ABL2: variants seen among roughly 807,000 people sequenced by gnomAD.
ABL2 encodes the protein tyrosine-protein kinase ABL2.
A neutral mutation model predicts 107.7 loss-of-function variants in ABL2; 49 were observed. The observed-to-expected ratio is 0.45, with a 90% CI of 0.36 to 0.58. The LOEUF is 0.58. Among genes scored for constraint, ABL2 ranks in the 20% least tolerant of loss-of-function variants. The pLI is 0.00. For synonymous variants in ABL2, 549 were observed against 548.6 expected (o/e 1.00, Z -0.01); for missense variants, 1,245 against 1,457.0 (o/e 0.85, Z 2.37).
intron 1 of ABL2, among the ~76,000 whole-genome samples, chr1:179,199,557 A>G (rs1209649105): frequency 6.6e-6 from 1 of 152,194 alleles, no homozygotes; most frequent in African/African-American, 2.4e-5. Context: ...TTGAGTTATT[A>G]TATGAAAGAT....
In ABL2 at chr1:179,109,196, A is replaced by G; in HGVS notation, c.2071T>C (p.Ser691Pro). The change falls in exon 12 of 12, where the codon TCT becomes CCT. Residue 691 changes from serine to proline, a missense_variant. By Grantham distance (74) the Ser-to-Pro change is moderately conservative. Transcript: ENST00000502732. ...TCAGCATGCTGTAGAGAAGCAACAG[A>G]TGAGAAGTTACCCGTGAGTTCGTAT... ...KKYELTGNFS[S>P]VASLQHADGF... The G allele has an allele frequency of 6.2e-7, 1 of 1,614,018 alleles. No individual in the cohort carries two copies. Among genetic ancestry groups the G allele is most frequent in the Non-Finnish European group, 8.5e-7 (1 of 1,179,994 alleles).
chr1:179,229,508 T>A lies in ABL2; in HGVS notation c.-111A>T. On this transcript the variant is annotated 5_prime_UTR_variant, in exon 1 of 12. Transcript: ENST00000502732. The stretch of plus-strand genomic sequence containing the variant: ...GGTCTCTCCCTCCCAGCCCAGGCCC[T>A]GGCCCTGAGTGGCTGGGCCACCGGC... 1 of 1,198,326 alleles carries A rather than the reference T, an allele frequency of 8.3e-7. No homozygotes were observed. The highest frequency in any genetic ancestry group is 1.1e-6 in the Non-Finnish European group (1 of 921,624). 74.2% of individuals were successfully genotyped at this position (1,198,326 alleles called of 1,614,324 possible). A position where few individuals can be genotyped will look rare whatever the true frequency, so the allele number is the denominator to read the frequency against.
intron 1 of ABL2, among the ~76,000 whole-genome samples, chr1:179,163,108 T>C (rs934888518): frequency 5.9e-5 from 9 of 152,152 alleles, no homozygotes; most frequent in Admixed American, 5.9e-4. Flanking sequence ...AAAAAGGTTA[T>C]ACAAATAGCA....
chr1:179,108,074 T>A lies in ABL2; in HGVS notation c.3193A>T (p.Thr1065Ser). ...PAKMANGTAG[T>S]KVALRKTKQA... ...TTGGTTTTTCTCAGAGCCACTTTAG[T>A]ACCTGCTGTGCCATTGGCCATTTTG... The change falls in exon 12 of 12, where the codon ACT becomes TCT. Residue 1065 changes from threonine to serine, a missense_variant. Coordinates refer to ENST00000502732, the MANE Select transcript of ABL2 (RefSeq NM_007314.4). 1 of 1,614,256 alleles carries A rather than the reference T, an allele frequency of 6.2e-7. No individual in the cohort carries two copies. The highest frequency in any genetic ancestry group is 8.5e-7 in the Non-Finnish European group (1 of 1,180,054).
chr1:179,135,076 A>G (rs1474524303), intron 1 of ABL2, among the ~76,000 whole-genome samples: 4 of 152,130 alleles, frequency 2.6e-5, no homozygotes, highest in Non-Finnish European at 2.9e-5. Context: ...ATCTCGGCTC[A>G]CTACAACCTC....
intron 1 of ABL2, among the ~76,000 whole-genome samples, chr1:179,161,966 G>A (rs1432089247): frequency 6.6e-6 from 1 of 152,156 alleles, no homozygotes; most frequent in African/African-American, 2.4e-5. Context: ...CCTTCCACCA[G>A]GTGATGTCTT....
intron 9 of ABL2, 35 bp from the exon 10 acceptor site, chr1:179,112,433 T>C: frequency 1.9e-6 from 3 of 1,552,194 alleles, no homozygotes; most frequent in Non-Finnish European, 2.7e-6. Context: ...AAAAACTCCT[T>C]GCAGAAATTC....
chr1:179,111,071 C>T (rs1654023323), intron 10 of ABL2, among the ~76,000 whole-genome samples: 1 of 148,386 alleles, frequency 6.7e-6, no homozygotes, highest in Non-Finnish European at 1.5e-5. Context: ...GCAACCTCTG[C>T]CTCCGATGTT....
rs147444465 is a variant in ABL2, at chr1:179,110,819, A to G, written c.1652-364T>C. On this transcript the variant is annotated intron_variant, in intron 10 of 11. Coordinates refer to ENST00000502732, the MANE Select transcript of ABL2 (RefSeq NM_007314.4). ...TGTCTTTTGGTTCACAATGTTATGCACGTCTGATTGGCACAATGTAGGAGA... is the reference window on the plus strand; with the variant it reads ...TGTCTTTTGGTTCACAATGTTATGCGCGTCTGATTGGCACAATGTAGGAGA... 9.9e-6 allele frequency: 16 copies of G among 1,613,944 alleles called. No individual in the cohort carries two copies. In the African/African-American group the frequency reaches 1.6e-4, roughly 16 times the overall value.
At chr1:179,172,128 T>G (rs1257539041) in intron 1 of ABL2, among the ~76,000 whole-genome samples, 4 of 152,044 alleles carry the variant, frequency 2.6e-5, no homozygotes, top group Admixed American at 6.6e-5. Context: ...AAATAACAGA[T>G]TATCAGCATT....
At chr1:179,161,292 AG>A (rs1659052452) in intron 1 of ABL2, among the ~76,000 whole-genome samples, 1 of 151,430 alleles carries the variant, frequency 6.6e-6, no homozygotes, top group African/African-American at 2.4e-5. Context: ...CTCAGGTAGG[AG>A]GATCACTTGA....
In ABL2 at chr1:179,126,600, C is replaced by G. The variant is rs61821670; in HGVS notation, c.464G>C (p.Gly155Ala). 6.2e-7 allele frequency: 1 copy of G among 1,614,158 alleles called. No homozygotes were observed. The highest frequency in any genetic ancestry group is 1.7e-5 in the Admixed American group (1 of 60,010). ...WSEVRSKNGQ[G>A]WVPSNYITPV... ...GGTGATGTAGTTGCTTGGCACCCAG[C>G]CCTGCCCATTCTTAGAGCGAACTTC... Residue 155 changes from glycine (G) to alanine (A), a missense_variant, in exon 4 of 12, where the codon GGC becomes GCC. Transcript: ENST00000502732. The surrounding 1 kb of genome is among the most constrained non-coding windows in gnomAD (Gnocchi z 4.4).
chr1:179,195,193 C>T (rs373997887), intron 1 of ABL2, among the ~76,000 whole-genome samples: 8 of 152,240 alleles, frequency 5.3e-5, no homozygotes, highest in African/African-American at 1.9e-4. Context: ...GAAGCTGAGG[C>T]AAGAGAATCG....
At chr1:179,196,748 T>A in intron 1 of ABL2, among the ~76,000 whole-genome samples, 4 of 146,142 alleles carry the variant, frequency 2.7e-5, no homozygotes, top group South Asian at 2.1e-4. Context: ...GCAACAAGAG[T>A]GAAACTCAGT....
Position 179,108,581 on chromosome 1 carries a change from C to T in ABL2, c.2686G>A (p.Gly896Arg), listed in dbSNP as rs1341414182. 5 of 1,614,098 alleles carry T rather than the reference C, an allele frequency of 3.1e-6. No homozygotes were observed. The highest frequency in any genetic ancestry group is 4.2e-6 in the Non-Finnish European group (5 of 1,179,998). ...AAPKGKEKNG[G>R]ARLGMAGVPE... The stretch of plus-strand genomic sequence containing the variant: ...ACTCCAGCCATCCCAAGTCGTGCCC[C>T]ACCATTCTTCTCTTTACCCTTGGGG... Residue 896 changes from glycine (G) to arginine (R), a missense_variant, in exon 12 of 12, where the codon GGG becomes AGG. Gly to Arg is a moderately radical substitution (Grantham distance 125, BLOSUM62 -2). Transcript: ENST00000502732.
In ABL2 at chr1:179,211,359, AT is replaced by A. The variant is rs911591920; in HGVS notation, c.157+17881del. 4.0e-5 allele frequency among the ~76,000 whole-genome samples: 6 copies of A among 150,208 alleles called. No individual in the cohort carries two copies. In the Middle Eastern group the frequency reaches 0.01, roughly 261 times the overall value. ...CAAAAGAGATGTAATCCCTAAAAAA[AT>A]TTTTTTTTTAATTTAACCAGGTGGG... On this transcript the variant is annotated intron_variant, in intron 1 of 11. Transcript: ENST00000502732.
chr1:179,123,653 A>G (rs1218596118), intron 4 of ABL2, among the ~76,000 whole-genome samples: 1 of 152,132 alleles, frequency 6.6e-6, no homozygotes, highest in Non-Finnish European at 1.5e-5. Context: ...TTGAGAAATA[A>G]GGGTCTCACT....
intron 1 of ABL2, among the ~76,000 whole-genome samples, chr1:179,188,281 C>G (rs1174240023): frequency 1.3e-5 from 2 of 152,202 alleles, no homozygotes; most frequent in South Asian, 4.1e-4. Context: ...GTGACGCAGG[C>G]CTGTAATCCC....
intron 1 of ABL2, among the ~76,000 whole-genome samples, chr1:179,151,576 G>A (rs1658365007): frequency 6.6e-6 from 1 of 152,058 alleles, no homozygotes; most frequent in African/African-American, 2.4e-5. Context: ...ACAAAAAAAG[G>A]ATTAACTCAT....
Sources: gnomAD v4.1 joint callset for allele counts (sites outside exome capture counted in the v4.1 genomes callset) on GRCh38, gnomAD v4.1.1 for gene constraint, Gnocchi (gnomAD v3.1) non-coding constraint, MANE v1.5 for transcripts, NCBI Gene and HGNC (gene_info 2026-07-23, HGNC 2026-07-21) for gene names.